Variants in PDE1C observed in about 807,000 individuals in gnomAD.
PDE1C encodes phosphodiesterase 1C.
A neutral mutation model predicts 93.1 loss-of-function variants in PDE1C; 62 were observed. The observed-to-expected ratio is 0.67, with a 90% CI of 0.54 to 0.82. The LOEUF is 0.82. PDE1C is among the 40% of genes least tolerant of loss of function. The pLI, the probability that PDE1C is intolerant of heterozygous loss-of-function variation, is 0.00. For missense variants in PDE1C, 742 were observed against 884.6 expected (o/e 0.84, Z 2.04); for synonymous variants, 325 against 310.1 (o/e 1.05, Z -0.50).
chr7:31,872,777 A>T (rs1796101162), intron 6 of PDE1C, among the ~76,000 whole-genome samples: 1 of 152,168 alleles, frequency 6.6e-6, no homozygotes, highest in African/African-American at 2.4e-5. Context: ...AAATGATTCA[A>T]GTTCTTTATG....
At chr7:31,881,644 A>C (rs1797260681) in intron 2 of PDE1C, among the ~76,000 whole-genome samples, 1 of 152,212 alleles carries the variant, frequency 6.6e-6, no homozygotes, top group Admixed American at 6.5e-5. Flanking sequence ...GCTGTTTGAT[A>C]ACCAGCAATG....
chr7:31,622,966 T>C, the PDE1C span, among the ~76,000 whole-genome samples: 1 of 152,112 alleles, frequency 6.6e-6, no homozygotes, highest in Non-Finnish European at 1.5e-5. Flanking sequence ...CATCAGAGAA[T>C]ACTACAAACA....
At chr7:32,076,937 GAA>G (rs775784792) in intron 3 of PDE1C, among the ~76,000 whole-genome samples, 1 of 129,928 alleles carries the variant, frequency 7.7e-6, no homozygotes, top group African/African-American at 2.8e-5. Context: ...GTTGTAAGGA[GAA>G]AAAAAAAAAA....
chr7:31,891,642 A>T (rs764860213), intron 2 of PDE1C, among the ~76,000 whole-genome samples: 18 of 152,078 alleles, frequency 1.2e-4, no homozygotes, highest in Non-Finnish European at 2.4e-4. Flanking sequence ...GGAGGACAAG[A>T]TTAGGGGTTT....
chr7:32,131,503 T>C lies in PDE1C; in HGVS notation c.308+38282A>G, dbSNP rs577679685. On this transcript the variant is annotated intron_variant, in intron 3 of 18. Coordinates refer to the PDE1C transcript ENST00000396193. Reference sequence around the variant, plus strand: ...GGAAGTATCAGAGCTTCCTTGAGTCTCCAATAATGAATCAGTGACCCTTAG... The same window carrying C: ...GGAAGTATCAGAGCTTCCTTGAGTCCCCAATAATGAATCAGTGACCCTTAG... Among the ~76,000 whole-genome samples the C allele has an allele frequency of 3.9e-5, 6 of 152,254 alleles. No homozygotes were observed. The South Asian group carries it at 6.2e-4, about 16-fold the overall frequency.
intron 3 of PDE1C, among the ~76,000 whole-genome samples, chr7:32,129,284 G>A (rs1799783986): frequency 6.6e-6 from 1 of 151,736 alleles, no homozygotes; most frequent in African/African-American, 2.4e-5. Context: ...CATGCAAAGA[G>A]AAGATTATCA....
intron 1 of PDE1C, among the ~76,000 whole-genome samples, chr7:32,273,024 G>GC (rs1811062750): frequency 6.6e-6 from 1 of 152,186 alleles, no homozygotes; most frequent in African/African-American, 2.4e-5. Context: ...AACCTCTATA[G>GC]CACTGGCTTT....
intron 1 of PDE1C, among the ~76,000 whole-genome samples, chr7:32,270,207 G>A (rs1001322025): frequency 8.6e-5 from 13 of 151,134 alleles, no homozygotes; most frequent in African/African-American, 2.7e-4. Flanking sequence ...TCCAAAATCC[G>A]ACAGTATTTC....
At chr7:32,279,593 ATTAT>A (rs1811497527) in intron 1 of PDE1C, among the ~76,000 whole-genome samples, 1 of 152,158 alleles carries the variant, frequency 6.6e-6, no homozygotes, top group Non-Finnish European at 1.5e-5. Flanking sequence ...AATATGTACT[ATTAT>A]TTGTCAATTA....
At chr7:32,027,385 A>G (rs1484474787) in intron 2 of PDE1C, among the ~76,000 whole-genome samples, 1 of 152,102 alleles carries the variant, frequency 6.6e-6, no homozygotes, top group African/African-American at 2.4e-5. Flanking sequence ...ACAAAAGTCA[A>G]ATCAAAAATA....
intron 11 of PDE1C, among the ~76,000 whole-genome samples, chr7:31,833,919 C>T (rs1172886124): frequency 1.3e-5 from 2 of 152,200 alleles, no homozygotes; most frequent in East Asian, 3.9e-4. Context: ...TCACACATCA[C>T]AGACCAAGAG....
chr7:31,955,437 T>C (rs74900992), intron 2 of PDE1C, among the ~76,000 whole-genome samples: 8,801 of 152,142 alleles, frequency 0.058, 398 homozygotes, highest in African/African-American at 0.13. Flanking sequence ...CAAAACAAAA[T>C]GCTGAAACCA....
chr7:32,157,270 A>G (rs1801632101), intron 3 of PDE1C, among the ~76,000 whole-genome samples: 1 of 152,230 alleles, frequency 6.6e-6, no homozygotes, highest in African/African-American at 2.4e-5. Context: ...AGTATTCGAT[A>G]GTACAATAGG....
At chr7:32,110,199 G>A (rs1185117705) in intron 3 of PDE1C, among the ~76,000 whole-genome samples, 1 of 152,148 alleles carries the variant, frequency 6.6e-6, no homozygotes, top group Non-Finnish European at 1.5e-5. Flanking sequence ...GAACTGAGTG[G>A]TTGCCACAGA....
chr7:31,777,177 AG>A (rs200793215), intron 16 of PDE1C, among the ~76,000 whole-genome samples: 41 of 152,024 alleles, frequency 2.7e-4, no homozygotes, highest in African/African-American at 8.7e-4. Flanking sequence ...TATTAAAAAA[AG>A]AAAAAGAATC....
At chr7:31,998,271 G>A (rs911408505) in intron 2 of PDE1C, among the ~76,000 whole-genome samples, 1 of 151,984 alleles carries the variant, frequency 6.6e-6, no homozygotes, top group Non-Finnish European at 1.5e-5. Context: ...CTCCCGCCTT[G>A]GCCTCCCAAA....
At chr7:31,819,869 G>A (rs1788744816) in intron 14 of PDE1C, among the ~76,000 whole-genome samples, 1 of 152,000 alleles carries the variant, frequency 6.6e-6, no homozygotes, top group Non-Finnish European at 1.5e-5. Context: ...AAAAAACAGA[G>A]AAAAGAGAGA....
the PDE1C span, among the ~76,000 whole-genome samples, chr7:31,666,314 T>C: frequency 6.6e-6 from 1 of 152,230 alleles, no homozygotes; most frequent in African/African-American, 2.4e-5. Flanking sequence ...AGCAGCAATT[T>C]TATCAAACAT....
intron 2 of PDE1C, among the ~76,000 whole-genome samples, chr7:31,892,821 G>A (rs2128903241): frequency 6.6e-6 from 1 of 152,268 alleles, no homozygotes; most frequent in Non-Finnish European, 1.5e-5. Flanking sequence ...TACACAGAAG[G>A]AATAAGTTCT....
Sources: gnomAD v4.1 joint callset for allele counts (sites outside exome capture counted in the v4.1 genomes callset) on GRCh38, gnomAD v4.1.1 for gene constraint, MANE v1.5 for transcripts, NCBI Gene and HGNC (gene_info 2026-07-23, HGNC 2026-07-21) for gene names.